Variants in TRPM3 observed in about 807,000 individuals in gnomAD.
The protein encoded by TRPM3 is transient receptor potential cation channel subfamily M member 3.
A neutral mutation model predicts 181.2 loss-of-function variants in TRPM3; 77 were observed. That is an observed-to-expected ratio of 0.42 (90% CI 0.35 to 0.51). The LOEUF is 0.51. TRPM3 is among the 20% of genes least tolerant of loss of function. The pLI is 0.01. For synonymous variants in TRPM3, 745 were observed against 796.4 expected, an observed-to-expected ratio of 0.94 and a Z score of 1.09; for missense variants, 1,759 against 2,196.7, an observed-to-expected ratio of 0.80 and a Z score of 3.98.
intron 1 of TRPM3, among the ~76,000 whole-genome samples, chr9:71,270,055 T>C (rs980890720): frequency 6.6e-6 from 1 of 152,224 alleles, no homozygotes; most frequent in African/African-American, 2.4e-5. Flanking sequence ...TAATTGTATT[T>C]TTGTTCAATA....
In TRPM3 at chr9:70,757,175, A is replaced by G. The variant is rs377094865; in HGVS notation, c.1272+4426T>C. 1.8e-4 allele frequency among the ~76,000 whole-genome samples: 27 copies of G among 152,358 alleles called. No homozygotes were observed. The South Asian group carries it at 5.2e-3, about 29-fold the overall frequency. On this transcript the variant is annotated intron_variant, in intron 8 of 25. Transcript: ENST00000677713. ...ATATCACCACTGATCCCACAGATGT[A>G]CAAACTACCATCAGAGAATACTATA...
chr9:70,644,250 G>C (rs983242166), intron 9 of TRPM3, among the ~76,000 whole-genome samples: 2 of 152,184 alleles, frequency 1.3e-5, no homozygotes, highest in Admixed American at 1.3e-4. Context: ...TTGTAGAAGT[G>C]CTGTGAAGGA....
intron 1 of TRPM3, among the ~76,000 whole-genome samples, chr9:71,171,067 T>C (rs915735630): frequency 1.3e-5 from 2 of 152,190 alleles, no homozygotes; most frequent in African/African-American, 4.8e-5. Flanking sequence ...TGGTCGAGAC[T>C]GCAGAGGTGA....
At chr9:71,019,081 A>G (rs1181847946) in intron 1 of TRPM3, among the ~76,000 whole-genome samples, 1 of 151,978 alleles carries the variant, frequency 6.6e-6, no homozygotes, top group East Asian at 1.9e-4. Context: ...AACAACTAAG[A>G]ATAAGAGAAA....
chr9:71,256,256 G>C (rs1289262748), intron 1 of TRPM3, among the ~76,000 whole-genome samples: 7 of 152,148 alleles, frequency 4.6e-5, no homozygotes, highest in Admixed American at 4.6e-4. Context: ...GCGTATTAAT[G>C]AGTAAATACA....
chr9:70,948,323 G>A (rs1177484290), intron 1 of TRPM3, among the ~76,000 whole-genome samples: 1 of 151,300 alleles, frequency 6.6e-6, no homozygotes, highest in Non-Finnish European at 1.5e-5. Context: ...TGGGTGGGGA[G>A]GTACATTGTG....
At chr9:71,059,464 G>C (rs989125168) in intron 1 of TRPM3, among the ~76,000 whole-genome samples, 1 of 152,032 alleles carries the variant, frequency 6.6e-6, no homozygotes, top group Non-Finnish European at 1.5e-5. Context: ...TTAGTTCTGA[G>C]TACCATACTT....
At chr9:71,199,711 G>T (rs1378697098) in intron 1 of TRPM3, among the ~76,000 whole-genome samples, 10 of 148,686 alleles carry the variant, frequency 6.7e-5, no homozygotes, top group Non-Finnish European at 8.9e-5. Context: ...TGTGGGATCG[G>T]TGGTGATATC....
At chr9:71,222,093 G>C (rs1371300753) in intron 1 of TRPM3, among the ~76,000 whole-genome samples, 2 of 152,132 alleles carry the variant, frequency 1.3e-5, no homozygotes, top group Non-Finnish European at 1.5e-5. Flanking sequence ...TTGCCTTTAG[G>C]ATGTGCTTTC....
intron 1 of TRPM3, among the ~76,000 whole-genome samples, chr9:71,070,381 G>C (rs2062588777): frequency 1.3e-5 from 2 of 152,206 alleles, no homozygotes; most frequent in African/African-American, 4.8e-5. Context: ...AGAGAGGACT[G>C]TTCAAGAGCA....
At chr9:71,301,250 C>T (rs1015949893) in intron 1 of TRPM3, among the ~76,000 whole-genome samples, 1 of 152,084 alleles carries the variant, frequency 6.6e-6, no homozygotes, top group East Asian at 1.9e-4. Context: ...TCCAAGAGCA[C>T]CCAAAGAATG....
In TRPM3 at chr9:70,843,137, A is replaced by AG. The variant is rs774577945; in HGVS notation, c.677-11_677-10insC. ...ACATGACGAATAACACCTAAAAAAA[A>AG]AAGAGAAGCATTGATTTTTTCTTTT... is the stretch of plus-strand genomic sequence containing the variant. On this transcript the variant is annotated splice_polypyrimidine_tract_variant and intron_variant, in intron 4 of 25. Transcript: ENST00000677713. 1.2e-4 allele frequency: 186 copies of AG among 1,595,996 alleles called. No homozygotes were observed. The African/African-American group carries it at 2.3e-3, about 20-fold the overall frequency.
At position 70,536,011 on chromosome 9, in the gene TRPM3, G is replaced by T; in HGVS notation, c.5102C>A (p.Ser1701Tyr). ...SKPEGRGDSL[S>Y]MRRLSRTSAF... is the part of the protein sequence containing the mutation. ...CGATGTTCTGGACAGTCTCCTCATG[G>T]ACAGGCTGTCCCCTCGGCCCTCCGG... Residue 1701 changes from serine (S) to tyrosine (Y), a missense_variant, in exon 26 of 26, where the codon TCC (serine) becomes TAC (tyrosine). Ser to Tyr is a moderately radical substitution (Grantham distance 144, BLOSUM62 -2). Around this residue, in one of 8 missense-constraint regions of TRPM3, gnomAD observed 612 missense variants for 590.0 expected, o/e 1.04. Transcript: ENST00000677713. 6.2e-7 allele frequency: 1 copy of T among 1,613,876 alleles called. No homozygotes were observed. The highest frequency in any genetic ancestry group is 8.5e-7 in the Non-Finnish European group (1 of 1,179,880).
intron 1 of TRPM3, among the ~76,000 whole-genome samples, chr9:71,074,255 T>C (rs1429909253): frequency 6.6e-6 from 1 of 152,220 alleles, no homozygotes; most frequent in East Asian, 1.9e-4. Flanking sequence ...CTGTTTCTCA[T>C]AGTCTTTTAC....
At chr9:71,437,799 C>A (rs1167923561) in intron 1 of TRPM3, among the ~76,000 whole-genome samples, 2 of 138,318 alleles carry the variant, frequency 1.4e-5, no homozygotes, top group Non-Finnish European at 3.1e-5. Context: ...ACCCAGGGGG[C>A]GGGGGTTGCA....
intron 1 of TRPM3, among the ~76,000 whole-genome samples, chr9:71,312,368 T>C (rs2088039970): frequency 6.6e-6 from 1 of 152,082 alleles, no homozygotes; most frequent in South Asian, 2.1e-4. Context: ...TGCATATCTA[T>C]TAAAATGGCC....
chr9:70,897,199 TA>T (rs1206754330), intron 1 of TRPM3, among the ~76,000 whole-genome samples: 2 of 115,144 alleles, frequency 1.7e-5, no homozygotes, highest in Non-Finnish European at 3.8e-5. Flanking sequence ...TCCTTCTATC[TA>T]ACTGTATTTT....
intron 8 of TRPM3, among the ~76,000 whole-genome samples, chr9:70,690,138 C>A (rs1465334655): frequency 6.6e-6 from 1 of 152,096 alleles, no homozygotes; most frequent in East Asian, 1.9e-4. Flanking sequence ...GCTGCAAGGA[C>A]AGTTTGGTTC....
intron 1 of TRPM3, among the ~76,000 whole-genome samples, chr9:71,085,903 T>G (rs2065178875): frequency 6.6e-6 from 1 of 152,082 alleles, no homozygotes; most frequent in Non-Finnish European, 1.5e-5. Context: ...ACTTGCATGT[T>G]CATTGCAGCA....
Sources: gnomAD v4.1 joint callset for allele counts (sites outside exome capture counted in the v4.1 genomes callset) on GRCh38, gnomAD v4.1.1 for gene constraint, gnomAD v4.1.1 regional missense constraint, MANE v1.5 for transcripts, NCBI Gene and HGNC (gene_info 2026-07-23, HGNC 2026-07-21) for gene names.